Variants in TTC29 observed in about 807,000 individuals in gnomAD.
TTC29 encodes the protein tetratricopeptide repeat protein 29.
A neutral mutation model predicts 58.1 loss-of-function variants in TTC29; 49 were observed. The observed-to-expected ratio is 0.84, with a 90% confidence interval of 0.67 to 1.07. The LOEUF (loss-of-function observed/expected upper bound fraction) is 1.07, where lower values mean the gene tolerates loss of function less well. Among genes scored for constraint, TTC29 ranks in the 50% least tolerant of loss-of-function variants. The pLI is 0.00. For synonymous variants in TTC29, 209 were observed against 196.8 expected (o/e 1.06, Z -0.52); for missense variants, 582 against 555.6 (o/e 1.05, Z -0.48).
At chr4:146,780,302 G>GGTGTGTGTGT (rs57951745) in intron 11 of TTC29, among the ~76,000 whole-genome samples, 2,490 of 138,488 alleles carry the variant, frequency 0.018, 27 homozygotes, top group East Asian at 0.027. Context: ...CCTAACTTGG[G>GGTGTGTGTGT]GTGTGTGTGT....
At chr4:146,851,435 A>G (rs560578556) in intron 8 of TTC29, among the ~76,000 whole-genome samples, 1 of 152,292 alleles carries the variant, frequency 6.6e-6, no homozygotes, top group South Asian at 2.1e-4. Flanking sequence ...GGCAACAGAG[A>G]AAATTAAGAT....
intron 11 of TTC29, among the ~76,000 whole-genome samples, chr4:146,778,245 T>TAAC (rs1748261559): frequency 6.6e-6 from 1 of 152,168 alleles, no homozygotes; most frequent in Non-Finnish European, 1.5e-5. Flanking sequence ...TTTCTTAATA[T>TAAC]AACTATTTAA....
At chr4:146,934,298 G>C (rs752036326) in intron 4 of TTC29, 2 of 152,110 alleles carry the variant, frequency 1.3e-5, no homozygotes, top group African/African-American at 4.8e-5. Context: ...GTAGCTGATC[G>C]GGCATACTGA....
At chr4:146,860,162 A>G (rs1257213751) in intron 8 of TTC29, among the ~76,000 whole-genome samples, 1 of 152,168 alleles carries the variant, frequency 6.6e-6, no homozygotes, top group East Asian at 1.9e-4. Flanking sequence ...CTTTTAAAAG[A>G]GAGGTAAACT....
At chr4:146,902,762 C>T (rs1733239907) in intron 6 of TTC29, among the ~76,000 whole-genome samples, 1 of 152,166 alleles carries the variant, frequency 6.6e-6, no homozygotes, top group Non-Finnish European at 1.5e-5. Context: ...GCTTTAGCTA[C>T]AATCACATGA....
At chr4:146,818,312 A>T (rs571537975) in intron 10 of TTC29, among the ~76,000 whole-genome samples, 1 of 152,256 alleles carries the variant, frequency 6.6e-6, no homozygotes, top group Non-Finnish European at 1.5e-5. Flanking sequence ...ACATTTATGC[A>T]GCCAAAATAC....
rs550606195 is a variant in TTC29, at chr4:146,829,829, A to G, written c.977+3977T>C. Among the ~76,000 whole-genome samples, 11 of 152,310 alleles carry G rather than the reference A, an allele frequency of 7.2e-5. No homozygotes were observed. The South Asian group carries it at 2.3e-3, about 32-fold the overall frequency. ...TATGGAATAAACCCAGAGATGGGTTAGTTGTGACCAATATGTATTAAACAT... is the reference window on the plus strand; with the variant it reads ...TATGGAATAAACCCAGAGATGGGTTGGTTGTGACCAATATGTATTAAACAT... On this transcript the variant is annotated intron_variant, in intron 9 of 12. Coordinates refer to ENST00000325106, the MANE Select transcript of TTC29 (RefSeq NM_031956.4).
chr4:146,897,507 T>C (rs1732847409), intron 6 of TTC29, among the ~76,000 whole-genome samples: 1 of 152,154 alleles, frequency 6.6e-6, no homozygotes, highest in South Asian at 2.1e-4. Flanking sequence ...AGGGCCTCTC[T>C]CCTTGGTCCC....
chr4:146,757,411 G>C (rs931513159), intron 11 of TTC29, among the ~76,000 whole-genome samples: 1 of 152,130 alleles, frequency 6.6e-6, no homozygotes, highest in Admixed American at 6.6e-5. Context: ...CTCAGCCGTG[G>C]ATACCAGTGC....
chr4:146,718,098 A>C (rs908129675), intron 11 of TTC29, among the ~76,000 whole-genome samples: 1 of 152,142 alleles, frequency 6.6e-6, no homozygotes, highest in Non-Finnish European at 1.5e-5. Flanking sequence ...ATACTTCATT[A>C]TATATATATC....
At chr4:146,923,744 A>G (rs901863908) in intron 4 of TTC29, among the ~76,000 whole-genome samples, 2 of 151,896 alleles carry the variant, frequency 1.3e-5, no homozygotes, top group African/African-American at 2.4e-5. Context: ...CAATCCCAAT[A>G]AAAGCTTAAT....
chr4:146,783,553 G>A (rs1449790212), intron 11 of TTC29, among the ~76,000 whole-genome samples: 2 of 152,006 alleles, frequency 1.3e-5, no homozygotes, highest in African/African-American at 2.4e-5. Flanking sequence ...AATAATCTGC[G>A]ATGCCTTAAC....
chr4:146,863,910 G>C (rs990335300), intron 8 of TTC29, among the ~76,000 whole-genome samples: 11 of 152,034 alleles, frequency 7.2e-5, no homozygotes, highest in Admixed American at 1.3e-4. Flanking sequence ...ATTAAATGAT[G>C]CCCATCCACA....
At chr4:146,787,089 C>T (rs977432677) in intron 11 of TTC29, among the ~76,000 whole-genome samples, 3 of 152,080 alleles carry the variant, frequency 2.0e-5, no homozygotes, top group African/African-American at 7.2e-5. Context: ...ATCAAAATAA[C>T]ATTTTAGATA....
At chr4:146,915,761 ATATT>A (rs2150294767) in intron 4 of TTC29, among the ~76,000 whole-genome samples, 1 of 152,104 alleles carries the variant, frequency 6.6e-6, no homozygotes, top group East Asian at 1.9e-4. Context: ...TATGACTGAT[ATATT>A]TAACATATTT....
chr4:146,712,043 A>C (rs1317472429), intron 11 of TTC29, among the ~76,000 whole-genome samples: 2 of 152,126 alleles, frequency 1.3e-5, no homozygotes, highest in African/African-American at 2.4e-5. Flanking sequence ...AAATAAATAG[A>C]ATATTTAACT....
chr4:146,801,947 C>G (rs748970337), intron 11 of TTC29, among the ~76,000 whole-genome samples: 66 of 126,038 alleles, frequency 5.2e-4, no homozygotes, highest in Non-Finnish European at 8.4e-4. Context: ...CCACTGCACT[C>G]CAGCCTGGAC....
chr4:146,870,306 T>C (rs1730848525), intron 7 of TTC29, among the ~76,000 whole-genome samples: 1 of 151,924 alleles, frequency 6.6e-6, no homozygotes, highest in Non-Finnish European at 1.5e-5. Context: ...TACTCTGAGA[T>C]GGATGAAAAT....
chr4:146,821,827 G>A (rs1338921961), intron 9 of TTC29, among the ~76,000 whole-genome samples: 2 of 152,088 alleles, frequency 1.3e-5, no homozygotes, highest in African/African-American at 4.8e-5. Context: ...AGTTGCTGGG[G>A]AATAAGGTTC....
Sources: gnomAD v4.1 joint callset for allele counts (sites outside exome capture counted in the v4.1 genomes callset) on GRCh38, gnomAD v4.1.1 for gene constraint, MANE v1.5 for transcripts, NCBI Gene and HGNC (gene_info 2026-07-23, HGNC 2026-07-21) for gene names.